Variants in MICAL3 observed in about 807,000 individuals in gnomAD.
MICAL3 encodes the protein microtubule associated monooxygenase, calponin and LIM domain containing 3.
In MICAL3, 62 loss-of-function variants were observed where a neutral mutation model predicts 207.4. The ratio of observed to expected loss-of-function variants is 0.30; its 90% CI spans 0.24 to 0.37. MICAL3 has a LOEUF of 0.37. Among genes scored for constraint, MICAL3 ranks in the 10% least tolerant of loss-of-function variants. The pLI, the probability that MICAL3 is intolerant of heterozygous loss-of-function variation, is 1.00. For synonymous variants in MICAL3, 1,077 were observed against 1,069.3 expected (o/e 1.01, Z -0.14); for missense variants, 2,368 against 2,635.6 (o/e 0.90, Z 2.22).
chr22:17,832,007 G>A lies in MICAL3; in HGVS notation c.2902C>T (p.Arg968Trp), dbSNP rs375228312. 40 of 1,605,266 alleles carry A rather than the reference G, an allele frequency of 2.5e-5. No individual in the cohort carries two copies. The Admixed American group carries it at 4.3e-4, about 17-fold the overall frequency. The change falls in exon 21 of 32, where the codon CGG (arginine) becomes TGG (tryptophan). Residue 968 changes from arginine (R) to tryptophan (W), a missense_variant. This residue lies in a region of MICAL3 where 1,770 missense variants were observed against 1,863.2 expected (regional missense o/e 0.95). Coordinates refer to ENST00000441493, the MANE Select transcript of MICAL3 (RefSeq NM_015241.3). Reference protein sequence around the residue: ...LGGVPWKEAVRIHALLKGKSE... With the variant: ...LGGVPWKEAVWIHALLKGKSE... ...TTCCCTTTCAGAAGGGCATGGATCCGCACGGCCTCCTTCCACGGAACACCA... is the reference window on the plus strand; with the variant it reads ...TTCCCTTTCAGAAGGGCATGGATCCACACGGCCTCCTTCCACGGAACACCA...
intron 1 of MICAL3, among the ~76,000 whole-genome samples, chr22:17,992,417 C>T (rs116020599): frequency 0.013 from 1,913 of 152,310 alleles, 44 homozygotes; most frequent in African/African-American, 0.043. Flanking sequence ...TAGCACTCTA[C>T]GTCCAGGGCT....
intron 17 of MICAL3, among the ~76,000 whole-genome samples, chr22:17,868,877 A>C (rs1358634431): frequency 5.9e-5 from 9 of 151,556 alleles, no homozygotes; most frequent in Admixed American, 5.9e-4. Context: ...CCAGGCAAGC[A>C]GACAGAATGG....
At chr22:17,977,953 C>T (rs5992939) in intron 1 of MICAL3, among the ~76,000 whole-genome samples, 4,385 of 151,986 alleles carry the variant, frequency 0.029, 172 homozygotes, top group African/African-American at 0.086. Flanking sequence ...ACCTGGGAGG[C>T]GGAGGTTGTG....
At chr22:17,932,250 G>A (rs913726566) in intron 1 of MICAL3, among the ~76,000 whole-genome samples, 26 of 152,178 alleles carry the variant, frequency 1.7e-4, no homozygotes, top group African/African-American at 6.3e-4. Flanking sequence ...TACCCACAAA[G>A]GGAAGGCCAT....
At chr22:17,880,686 T>C (rs1929334171) in intron 16 of MICAL3, among the ~76,000 whole-genome samples, 1 of 152,216 alleles carries the variant, frequency 6.6e-6, no homozygotes, top group South Asian at 2.1e-4. Flanking sequence ...TGGCTGGCTA[T>C]GGGGCTGCTC....
At chr22:17,890,785 TCTGAATC>T (rs2146231501) in intron 12 of MICAL3, among the ~76,000 whole-genome samples, 1 of 152,338 alleles carries the variant, frequency 6.6e-6, no homozygotes, top group Non-Finnish European at 1.5e-5. Flanking sequence ...ATGCTCTGCT[TCTGAATC>T]CTTCGGTTTG....
chr22:17,973,453 G>C (rs920468472), intron 1 of MICAL3, among the ~76,000 whole-genome samples: 1 of 152,156 alleles, frequency 6.6e-6, no homozygotes, highest in African/African-American at 2.4e-5. Context: ...GGCCCAGGAC[G>C]GAGCCACACA....
At chr22:17,832,129 G>A in intron 20 of MICAL3, 22 bp from the exon 21 acceptor site, 1 of 1,555,326 alleles carries the variant, frequency 6.4e-7, no homozygotes, top group Non-Finnish European at 8.7e-7. Flanking sequence ...TAACCACATA[G>A]CCAGAGTGAG....
In MICAL3 at chr22:17,976,060, G is replaced by C. The variant is rs114280492; in HGVS notation, c.-75+48221C>G. 4.7e-3 allele frequency among the ~76,000 whole-genome samples: 707 copies of C among 150,682 alleles called. 9 individuals are homozygous for C. Among genetic ancestry groups the C allele is most frequent in the African/African-American group, 0.017 (687 of 40,698 alleles). ...CCAGACTGGGTCTCAAAAAAAAAAAGAGTGCTACATGGCTCAAAGCCGGAG... is the reference window on the plus strand; with the variant it reads ...CCAGACTGGGTCTCAAAAAAAAAAACAGTGCTACATGGCTCAAAGCCGGAG... On this transcript the variant is annotated intron_variant, in intron 1 of 31. Transcript: ENST00000441493.
chr22:17,939,237 C>T (rs1263684692), intron 1 of MICAL3, among the ~76,000 whole-genome samples: 1 of 152,208 alleles, frequency 6.6e-6, no homozygotes, highest in Non-Finnish European at 1.5e-5. Flanking sequence ...CAACCTTGGA[C>T]TTCCCAGCCT....
At chr22:18,010,804 G>A (rs552350584) in intron 1 of MICAL3, among the ~76,000 whole-genome samples, 1 of 152,160 alleles carries the variant, frequency 6.6e-6, no homozygotes, top group East Asian at 1.9e-4. Flanking sequence ...TAGAGGGATG[G>A]GTGGGGAGTT....
intron 1 of MICAL3, among the ~76,000 whole-genome samples, chr22:17,956,924 T>C (rs1390963382): frequency 6.6e-6 from 1 of 152,184 alleles, no homozygotes; most frequent in Non-Finnish European, 1.5e-5. Context: ...TTTCTCAAAC[T>C]TCCTTGAAGC....
intron 1 of MICAL3, among the ~76,000 whole-genome samples, chr22:17,955,211 T>C (rs1303819693): frequency 2.0e-5 from 3 of 152,092 alleles, no homozygotes; most frequent in Non-Finnish European, 4.4e-5. Context: ...TCACCTCCTT[T>C]CTCCTGCTTC....
intron 1 of MICAL3, among the ~76,000 whole-genome samples, chr22:17,917,979 T>C (rs912092609): frequency 7.9e-5 from 12 of 152,190 alleles, no homozygotes; most frequent in African/African-American, 2.7e-4. Flanking sequence ...CCTGCTGAGG[T>C]GCCCATCCAC....
intron 1 of MICAL3, among the ~76,000 whole-genome samples, chr22:17,911,024 G>C (rs938299865): frequency 2.1e-4 from 20 of 94,382 alleles, no homozygotes; most frequent in African/African-American, 1.2e-3. Flanking sequence ...TGGGGGCTGG[G>C]GGAGGAAGAG....
At chr22:17,795,941 G>C (rs1215780697) in intron 29 of MICAL3, among the ~76,000 whole-genome samples, 2 of 151,676 alleles carry the variant, frequency 1.3e-5, no homozygotes, top group African/African-American at 2.4e-5. Context: ...CTTTTAGGGG[G>C]ATGTAAGAAA....
At chr22:17,918,648 C>T (rs928008068) in intron 1 of MICAL3, among the ~76,000 whole-genome samples, 11 of 152,116 alleles carry the variant, frequency 7.2e-5, no homozygotes, top group African/African-American at 2.7e-4. Flanking sequence ...CAGACCTGCA[C>T]CCATACACAC....
chr22:17,896,780 G>A lies in MICAL3; in HGVS notation c.1150C>T (p.Arg384Trp), dbSNP rs1008856268. 6.2e-7 allele frequency: 1 copy of A among 1,613,826 alleles called. No individual in the cohort carries two copies. The highest frequency in any genetic ancestry group is 8.5e-7 in the Non-Finnish European group (1 of 1,179,944). Residue 384 changes from arginine (R) to tryptophan (W), a missense_variant, in exon 8 of 32, where the codon CGG becomes TGG. Arg to Trp is a moderately radical substitution (Grantham distance 101). Transcript: ENST00000441493. ...MYASENAALV[R>W]EQNGHQLLVA... ...AGTAACTGGTGTCCGTTCTGCTCCC[G>A]CACCAAGGCGGCGTTCTCGGAGGCA...
In MICAL3 at chr22:17,818,606, C is replaced by G; in HGVS notation, c.4055G>C (p.Ser1352Thr). 6.2e-7 allele frequency: 1 copy of G among 1,613,630 alleles called. No individual in the cohort carries two copies. The highest frequency in any genetic ancestry group is 8.5e-7 in the Non-Finnish European group (1 of 1,179,892). The change falls in exon 26 of 32, where the codon AGC (serine) becomes ACC (threonine). Residue 1352 changes from serine to threonine, a missense_variant. Ser to Thr is a moderately conservative substitution (Grantham distance 58, BLOSUM62 1). Around this residue, in one of 4 missense-constraint regions of MICAL3, gnomAD observed 1,770 missense variants for 1,863.2 expected, o/e 0.95. Coordinates refer to ENST00000441493, the MANE Select transcript of MICAL3 (RefSeq NM_015241.3). ...PVDRSKGPEP[S>T]FPTPAFRPVS... Reference sequence around the variant, plus strand: ...TGGCCTGAAGGCAGGCGTGGGGAAGCTGGGCTCGGGCCCCTTGCTGCGGTC... The same window carrying G: ...TGGCCTGAAGGCAGGCGTGGGGAAGGTGGGCTCGGGCCCCTTGCTGCGGTC...
Sources: allele counts gnomAD v4.1 joint callset (sites outside exome capture counted in the v4.1 genomes callset), GRCh38; gene constraint gnomAD v4.1.1; regional missense constraint gnomAD v4.1.1; transcripts MANE v1.5; gene names NCBI Gene and HGNC (gene_info 2026-07-23, HGNC 2026-07-21).